The following NLGN4X variants were observed in gnomAD, a reference collection of about 807,000 sequenced individuals.
The protein encoded by NLGN4X is neuroligin 4 X-linked, also known as neuroligin-4, X-linked.
Under a neutral mutation model 40.3 loss-of-function variants are expected in NLGN4X, and 3 were observed. The observed-to-expected ratio is 0.07, with a 90% CI of 0.03 to 0.19. The LOEUF (loss-of-function observed/expected upper bound fraction) is 0.19. NLGN4X is among the 10% of genes least tolerant of loss of function. The pLI is 1.00. For missense variants in NLGN4X, 382 were observed against 708.3 expected (o/e 0.54, Z 5.23); for synonymous variants, 270 against 306.8 (o/e 0.88, Z 1.25).
At chrX:6,015,149 T>C (rs1399256513) in intron 3 of NLGN4X, among the ~76,000 whole-genome samples, 1 of 112,170 alleles carries the variant, frequency 8.9e-6, no homozygotes, top group Admixed American at 9.5e-5. Context: ...TGTCTGTCGT[T>C]GTTTTTTCCC....
chrX:6,059,099 T>A (rs1239000534), intron 2 of NLGN4X, among the ~76,000 whole-genome samples: 1 of 111,512 alleles, frequency 9.0e-6, no homozygotes, highest in African/African-American at 3.3e-5. Context: ...CCTAGCAGAG[T>A]TAAGATGTGA....
At chrX:6,224,195 C>T (rs1366628436) in intron 1 of NLGN4X, among the ~76,000 whole-genome samples, 1 of 112,657 alleles carries the variant, frequency 8.9e-6, no homozygotes, top group African/African-American at 3.2e-5. Context: ...AATGCATTCG[C>T]TCAACAAGTT....
At chrX:6,129,352 C>T (rs1205303268) in intron 2 of NLGN4X, among the ~76,000 whole-genome samples, 1 of 111,506 alleles carries the variant, frequency 9.0e-6, no homozygotes, top group East Asian at 2.8e-4. Context: ...CAGCAAGTCA[C>T]CCCATGAAAC....
chrX:5,930,570 T>A (rs1412996967), intron 3 of NLGN4X, among the ~76,000 whole-genome samples: 1 of 112,278 alleles, frequency 8.9e-6, no homozygotes. Flanking sequence ...TGAATTCCAA[T>A]AAATATATTT....
chrX:5,976,897 G>C (rs2035193928), intron 3 of NLGN4X, among the ~76,000 whole-genome samples: 2 of 112,753 alleles, frequency 1.8e-5, no homozygotes, highest in Admixed American at 9.3e-5. Flanking sequence ...TGTCACTTCT[G>C]AATTTTTCCC....
intron 3 of NLGN4X, among the ~76,000 whole-genome samples, chrX:5,981,905 C>A (rs1385828761): frequency 1.8e-5 from 2 of 111,571 alleles, no homozygotes; most frequent in Non-Finnish European, 3.8e-5. Context: ...ACAGCTGGCA[C>A]TAAATCCATC....
At chrX:6,033,058 G>GT (rs2036914086) in intron 2 of NLGN4X, among the ~76,000 whole-genome samples, 2 of 110,791 alleles carry the variant, frequency 1.8e-5, no homozygotes, top group African/African-American at 6.5e-5. Context: ...AAATGCTAAC[G>GT]TGAGTTGTTT....
chrX:6,079,032 C>A (rs2038277365), intron 2 of NLGN4X, among the ~76,000 whole-genome samples: 2 of 111,793 alleles, frequency 1.8e-5, no homozygotes, highest in South Asian at 7.6e-4. Context: ...TTCCCTTTCA[C>A]CTTTTGCCAT....
intron 3 of NLGN4X, among the ~76,000 whole-genome samples, chrX:5,956,965 C>CTGTGTG (rs564463682): frequency 2.8e-5 from 3 of 106,681 alleles, no homozygotes; most frequent in Non-Finnish European, 5.8e-5. Context: ...TGTGTGGTGT[C>CTGTGTG]TGTGTGTGTG....
intron 3 of NLGN4X, among the ~76,000 whole-genome samples, chrX:5,936,614 A>G (rs12391806): frequency 0.046 from 5,143 of 111,698 alleles, 305 homozygotes; most frequent in African/African-American, 0.16. Context: ...GTCCCCTGAG[A>G]GTTCTGATGT....
chrX:6,092,651 A>C (rs1373116043), intron 2 of NLGN4X, among the ~76,000 whole-genome samples: 1 of 112,478 alleles, frequency 8.9e-6, no homozygotes, highest in East Asian at 2.8e-4. Context: ...TTAAAAAATA[A>C]AGTTTGAAAC....
intron 2 of NLGN4X, among the ~76,000 whole-genome samples, chrX:6,140,477 C>G (rs866955929): frequency 8.0e-5 from 7 of 87,478 alleles, no homozygotes; most frequent in Admixed American, 1.3e-4. Context: ...CACACACACA[C>G]ACACACACAC....
intron 1 of NLGN4X, among the ~76,000 whole-genome samples, chrX:6,176,815 T>C (rs1218597012): frequency 1.8e-5 from 2 of 111,840 alleles, no homozygotes; most frequent in Admixed American, 1.9e-4. Flanking sequence ...ACTTCTGACC[T>C]CTAGAGCTGT....
intron 1 of NLGN4X, among the ~76,000 whole-genome samples, chrX:6,204,464 AAAGAT>A (rs1923871510): frequency 8.9e-6 from 1 of 112,257 alleles, no homozygotes; most frequent in South Asian, 3.7e-4. Context: ...CTGAAAACAT[AAAGAT>A]AACTTATAAA....
intron 2 of NLGN4X, among the ~76,000 whole-genome samples, chrX:6,089,703 C>A (rs183300959): frequency 6.1e-4 from 68 of 112,203 alleles, no homozygotes; most frequent in Non-Finnish European, 9.6e-4. Flanking sequence ...GTCATTCTAT[C>A]ATTCTCATAG....
intron 2 of NLGN4X, 151 bp from the exon 3 acceptor site, chrX:6,029,583 T>C: frequency 1.8e-6 from 1 of 548,447 alleles, no homozygotes; most frequent in Non-Finnish European, 2.9e-6. Context: ...TTGATAAGAG[T>C]GTCTAAGGAA....
Position 5,890,350 on chromosome X carries a change from A to G in NLGN4X, c.*2467T>C, listed in dbSNP as rs1322301806. Reference sequence around the variant, plus strand: ...TAACTTCTTTCCATGTAGAAATAAGATATCATTTAAGATGTACTAAAATCA... The same window carrying G: ...TAACTTCTTTCCATGTAGAAATAAGGTATCATTTAAGATGTACTAAAATCA... On this transcript the variant is annotated 3_prime_UTR_variant, in exon 6 of 6. Transcript: ENST00000381095. 16 of 201,532 alleles carry G rather than the reference A, an allele frequency of 7.9e-5. 1 individual carries two copies. The highest frequency in any genetic ancestry group is 1.2e-4 in the Non-Finnish European group (13 of 111,675). 16.6% of individuals were successfully genotyped at this position (201,532 alleles called of 1,213,427 possible).
intron 4 of NLGN4X, among the ~76,000 whole-genome samples, chrX:5,906,937 G>C (rs957174602): frequency 9.0e-6 from 1 of 110,992 alleles, no homozygotes; most frequent in Non-Finnish European, 1.9e-5. Context: ...AAAATTAGCC[G>C]GGCACAGTGG....
chrX:5,920,185 T>C (rs1463004207), intron 3 of NLGN4X, among the ~76,000 whole-genome samples: 1 of 111,931 alleles, frequency 8.9e-6, no homozygotes, highest in Non-Finnish European at 1.9e-5. Context: ...AAGTTTCAAA[T>C]GGGAAATATG....
Sources: allele counts gnomAD v4.1 joint callset (sites outside exome capture counted in the v4.1 genomes callset), GRCh38; gene constraint gnomAD v4.1.1; transcripts MANE v1.5; gene names NCBI Gene and HGNC (gene_info 2026-07-23, HGNC 2026-07-21).